The following LRRC1 variants were observed in gnomAD, a reference collection of about 807,000 sequenced individuals.
LRRC1 encodes the protein leucine-rich repeat-containing protein 1.
A neutral mutation model predicts 69.9 loss-of-function variants in LRRC1; 28 were observed. The observed-to-expected ratio is 0.40, with a 90% CI of 0.30 to 0.55. LRRC1 has a LOEUF of 0.55. Ranked by LOEUF, LRRC1 falls within the 20% of genes least tolerant of loss-of-function variation. The probability of loss-of-function intolerance (pLI) is 0.47; values close to 1 mark genes in which losing one functional copy is unlikely to be tolerated. For missense variants in LRRC1, 498 were observed against 609.0 expected (o/e 0.82, Z 1.92); for synonymous variants, 236 against 240.2 (o/e 0.98, Z 0.16).
rs1369918921 is a variant in LRRC1, at chr6:53,917,892, GT to G, written c.1107-1601del. On this transcript the variant is annotated intron_variant, in intron 11 of 13. Coordinates refer to ENST00000370888, the MANE Select transcript of LRRC1 (RefSeq NM_018214.5). ...TTGTCACAGTACCTGGCAAATACAT[GT>G]TTTTAACTTCCTCGCATTTGAGTTT... Among the ~76,000 whole-genome samples, 3 of 152,338 alleles carry G rather than the reference GT, an allele frequency of 2.0e-5. No homozygotes were observed. In the East Asian group the frequency reaches 5.8e-4, roughly 29 times the overall value.
At chr6:53,861,512 G>C (rs1054603178) in intron 2 of LRRC1, among the ~76,000 whole-genome samples, 1 of 150,812 alleles carries the variant, frequency 6.6e-6, no homozygotes, top group African/African-American at 2.4e-5. Flanking sequence ...AGTGGGACCA[G>C]ACCATTCTTT....
chr6:53,882,861 C>T lies in LRRC1; in HGVS notation c.357-26C>T, dbSNP rs140082803. 7.5e-4 allele frequency: 1,079 copies of T among 1,437,284 alleles called. 5 individuals are homozygous for T. In the African/African-American group the frequency reaches 0.012, roughly 17 times the overall value. The allele number at this position is 1,437,284 out of a possible 1,614,324, so 89.0% of individuals were successfully genotyped here. ...ATACATGAACTTTTTTAATTTACAG[C>T]GTTTTGTTTGTTTGTTTGATTTTAG... On this transcript the variant is annotated intron_variant, in intron 3 of 13. Coordinates refer to ENST00000370888, the MANE Select transcript of LRRC1 (RefSeq NM_018214.5).
intron 1 of LRRC1, among the ~76,000 whole-genome samples, chr6:53,822,784 A>G (rs1765151946): frequency 6.6e-6 from 1 of 152,198 alleles, no homozygotes; most frequent in Non-Finnish European, 1.5e-5. Context: ...ATGTGGGGGA[A>G]GAACAGCTAC....
intron 6 of LRRC1, 64 bp downstream of exon 6, chr6:53,896,956 G>A: frequency 9.2e-7 from 1 of 1,088,288 alleles, no homozygotes; most frequent in Non-Finnish European, 1.4e-6. Context: ...AGTATTTGGG[G>A]GAGTTCTATA....
intron 1 of LRRC1, among the ~76,000 whole-genome samples, chr6:53,803,461 A>C (rs1208251003): frequency 1.3e-5 from 2 of 152,188 alleles, no homozygotes; most frequent in African/African-American, 4.8e-5. Flanking sequence ...AGATCTTCCT[A>C]AATGCATAGG....
chr6:53,871,751 T>C (rs1766891568), intron 2 of LRRC1, among the ~76,000 whole-genome samples: 1 of 152,208 alleles, frequency 6.6e-6, no homozygotes, highest in Non-Finnish European at 1.5e-5. Flanking sequence ...CACTGCAACC[T>C]CTGCCTCCCA....
chr6:53,838,439 C>T (rs1309544161), intron 1 of LRRC1, among the ~76,000 whole-genome samples: 3 of 152,130 alleles, frequency 2.0e-5, no homozygotes, highest in African/African-American at 7.2e-5. Context: ...GTAAAGTGAA[C>T]TTATTATTCA....
chr6:53,816,330 T>A (rs998512377), intron 1 of LRRC1, among the ~76,000 whole-genome samples: 2 of 152,164 alleles, frequency 1.3e-5, no homozygotes, highest in Non-Finnish European at 2.9e-5. Context: ...ATAAAATAGA[T>A]GTTGGGTCTA....
chr6:53,893,369 C>T (rs1050981832), intron 4 of LRRC1, among the ~76,000 whole-genome samples: 1 of 152,104 alleles, frequency 6.6e-6, no homozygotes, highest in African/African-American at 2.4e-5. Flanking sequence ...ATTCCATGTG[C>T]TCTTTTTAGA....
intron 4 of LRRC1, among the ~76,000 whole-genome samples, chr6:53,888,093 T>C (rs912154171): frequency 6.6e-6 from 1 of 152,244 alleles, no homozygotes; most frequent in Non-Finnish European, 1.5e-5. Flanking sequence ...TGAATGAATT[T>C]GTCTTTCAAA....
chr6:53,800,247 C>CTTTTTTTTT (rs55960000), intron 1 of LRRC1, among the ~76,000 whole-genome samples: 4 of 89,550 alleles, frequency 4.5e-5, no homozygotes, highest in Non-Finnish European at 6.2e-5. Flanking sequence ...GTTTCTTTTT[C>CTTTTTTTTT]TTTTTTTTTT....
At chr6:53,851,206 G>A (rs939688123) in intron 2 of LRRC1, among the ~76,000 whole-genome samples, 3 of 68,272 alleles carry the variant, frequency 4.4e-5, no homozygotes, top group South Asian at 4.6e-4. Flanking sequence ...ACACACACAC[G>A]TGAATATATA....
At chr6:53,796,355 C>T (rs1764302315) in intron 1 of LRRC1, among the ~76,000 whole-genome samples, 1 of 152,126 alleles carries the variant, frequency 6.6e-6, no homozygotes, top group South Asian at 2.1e-4. Flanking sequence ...AGTAACCCCT[C>T]GGGGAAGGTG....
chr6:53,830,209 A>G (rs1016173217), intron 1 of LRRC1, among the ~76,000 whole-genome samples: 2 of 152,254 alleles, frequency 1.3e-5, no homozygotes, highest in African/African-American at 4.8e-5. Context: ...GGTTGTTGGT[A>G]AACAGTAAAA....
At chr6:53,849,899 A>G (rs138391425) in intron 2 of LRRC1, among the ~76,000 whole-genome samples, 322 of 152,236 alleles carry the variant, frequency 2.1e-3, no homozygotes, top group African/African-American at 7.4e-3. Context: ...TGAGTTTACA[A>G]TGAGCTATGA....
chr6:53,818,824 C>A (rs886522684), intron 1 of LRRC1, among the ~76,000 whole-genome samples: 1 of 152,166 alleles, frequency 6.6e-6, no homozygotes, highest in African/African-American at 2.4e-5. Flanking sequence ...GGATACTTAA[C>A]CTCATTTCAT....
At chr6:53,862,507 C>T (rs1419875246) in intron 2 of LRRC1, among the ~76,000 whole-genome samples, 2 of 152,168 alleles carry the variant, frequency 1.3e-5, no homozygotes, top group East Asian at 3.9e-4. Flanking sequence ...TTTAAGCCAA[C>T]TCCGTGTGGG....
intron 11 of LRRC1, 48 bp downstream of exon 11, chr6:53,914,017 C>A: frequency 7.7e-7 from 1 of 1,299,074 alleles, no homozygotes; most frequent in Non-Finnish European, 1.1e-6. Context: ...AATATACATA[C>A]ATCCCAATCT....
intron 10 of LRRC1, among the ~76,000 whole-genome samples, chr6:53,908,355 G>A (rs2050159): frequency 0.58 from 88,889 of 151,990 alleles, 26,624 homozygotes; most frequent in East Asian, 0.71. Context: ...GCTTTTTTCA[G>A]TCAGGCAACC....
Sources: gnomAD v4.1 joint callset for allele counts (sites outside exome capture counted in the v4.1 genomes callset) on GRCh38, gnomAD v4.1.1 for gene constraint, MANE v1.5 for transcripts, NCBI Gene and HGNC (gene_info 2026-07-23, HGNC 2026-07-21) for gene names.